The following XYLT1 variants were observed in gnomAD, a reference collection of about 807,000 sequenced individuals.
XYLT1 encodes beta-D-xylosyltransferase 1.
A neutral mutation model predicts 91.3 loss-of-function variants in XYLT1; 36 were observed. The ratio of observed to expected loss-of-function variants is 0.39; its 90% CI spans 0.30 to 0.52. The LOEUF (loss-of-function observed/expected upper bound fraction) is 0.52, where lower values mean the gene tolerates loss of function less well. XYLT1 is among the 20% of genes least tolerant of loss of function. XYLT1 has a pLI of 0.68. For missense variants in XYLT1, 1,242 were observed against 1,284.5 expected (o/e 0.97, Z 0.51); for synonymous variants, 588 against 532.0 (o/e 1.11, Z -1.45).
chr16:17,425,231 A>G (rs1314999437), intron 1 of XYLT1, among the ~76,000 whole-genome samples: 1 of 152,046 alleles, frequency 6.6e-6, no homozygotes, highest in Non-Finnish European at 1.5e-5. Context: ...AATTCCCCCA[A>G]CTTCCTTCCG....
intron 2 of XYLT1, among the ~76,000 whole-genome samples, chr16:17,270,781 C>T (rs1390731603): frequency 6.6e-6 from 1 of 152,216 alleles, no homozygotes; most frequent in Non-Finnish European, 1.5e-5. Flanking sequence ...AGGACACAGC[C>T]ATGCCCATTC....
chr16:17,429,001 C>T (rs534546128), intron 1 of XYLT1, among the ~76,000 whole-genome samples: 2 of 152,272 alleles, frequency 1.3e-5, no homozygotes, highest in South Asian at 4.1e-4. Flanking sequence ...CCTAAAAACC[C>T]CAACTGCTCA....
intron 5 of XYLT1, among the ~76,000 whole-genome samples, chr16:17,179,075 A>AC (rs956547041): frequency 1.6e-4 from 25 of 152,264 alleles, no homozygotes; most frequent in Admixed American, 1.2e-3. Flanking sequence ...TCTCAAAAAA[A>AC]AAAAAAAAGT....
intron 2 of XYLT1, among the ~76,000 whole-genome samples, chr16:17,285,950 G>A (rs2034134074): frequency 6.6e-6 from 1 of 151,752 alleles, no homozygotes; most frequent in African/African-American, 2.4e-5. Context: ...GAGAGAGAGA[G>A]AGAAAGAGAG....
chr16:17,340,379 T>C (rs1596491070), intron 2 of XYLT1, among the ~76,000 whole-genome samples: 1 of 152,256 alleles, frequency 6.6e-6, no homozygotes, highest in African/African-American at 2.4e-5. Flanking sequence ...CACAGAGCTC[T>C]GTCTCCAGCT....
At chr16:17,309,784 G>C (rs2034517189) in intron 2 of XYLT1, among the ~76,000 whole-genome samples, 1 of 152,236 alleles carries the variant, frequency 6.6e-6, no homozygotes, top group Admixed American at 6.5e-5. Context: ...TTGCAGTCAA[G>C]AAGATTAACA....
chr16:17,261,241 CAAAAAA>C (rs10573500), intron 2 of XYLT1, among the ~76,000 whole-genome samples: 1 of 96,420 alleles, frequency 1.0e-5, no homozygotes, highest in African/African-American at 3.7e-5. Context: ...AACTGGCTCT[CAAAAAA>C]AAAAAAAAAA....
intron 1 of XYLT1, among the ~76,000 whole-genome samples, chr16:17,429,650 A>C (rs139016953): frequency 4.3e-4 from 65 of 152,322 alleles, no homozygotes; most frequent in African/African-American, 1.5e-3. Context: ...AACTCAGTAA[A>C]GTACATGGCC....
intron 6 of XYLT1, among the ~76,000 whole-genome samples, chr16:17,147,785 A>C (rs1205138931): frequency 6.6e-6 from 1 of 152,192 alleles, no homozygotes; most frequent in African/African-American, 2.4e-5. Flanking sequence ...TTTCTTTACC[A>C]TAACTTGAAA....
At chr16:17,132,740 T>C (rs1424633471) in intron 9 of XYLT1, among the ~76,000 whole-genome samples, 1 of 152,092 alleles carries the variant, frequency 6.6e-6, no homozygotes, top group Non-Finnish European at 1.5e-5. Context: ...CTGTCTCTAC[T>C]AAAAATACAA....
intron 2 of XYLT1, among the ~76,000 whole-genome samples, chr16:17,313,090 T>C (rs1409334580): frequency 6.6e-6 from 1 of 152,148 alleles, no homozygotes; most frequent in Non-Finnish European, 1.5e-5. Flanking sequence ...AGCTCAAAGG[T>C]GTGCCTGTCT....
At chr16:17,333,674 G>T (rs2034936878) in intron 2 of XYLT1, among the ~76,000 whole-genome samples, 1 of 147,592 alleles carries the variant, frequency 6.8e-6, no homozygotes, top group South Asian at 2.1e-4. Flanking sequence ...TGCAACCTCT[G>T]CCTCCCGAGT....
chr16:17,183,948 T>TC (rs1161983494), intron 5 of XYLT1, among the ~76,000 whole-genome samples: 6 of 152,092 alleles, frequency 3.9e-5, no homozygotes, highest in Non-Finnish European at 5.9e-5. Context: ...GAAACGCTCC[T>TC]CCCTTATCCC....
chr16:17,415,863 T>A (rs978566227), intron 1 of XYLT1, among the ~76,000 whole-genome samples: 10 of 152,198 alleles, frequency 6.6e-5, no homozygotes, highest in Non-Finnish European at 1.2e-4. Context: ...AATCATGGAA[T>A]CAAATGGATC....
intron 2 of XYLT1, among the ~76,000 whole-genome samples, chr16:17,353,810 G>A (rs969337244): frequency 6.6e-6 from 1 of 152,186 alleles, no homozygotes; most frequent in South Asian, 2.1e-4. Context: ...ACTAGTCAAG[G>A]CAACTTTATT....
rs2036970026 is a variant in XYLT1 at position 17,470,414 on chromosome 16, G to C, written c.363+20C>G. On this transcript the variant is annotated intron_variant, in intron 1 of 11. Coordinates refer to ENST00000261381, the MANE Select transcript of XYLT1 (RefSeq NM_022166.4). ...TCCTCCCTCCCTCGCCGCGGGGCGC[G>C]AGCCGAAAGGGCATCTTACCAGAGC... 13 of 1,227,134 alleles carry C rather than the reference G, an allele frequency of 1.1e-5. No individual in the cohort carries two copies. Among genetic ancestry groups the C allele is most frequent in the Non-Finnish European group, 1.3e-5 (13 of 984,416 alleles). The allele number at this position is 1,227,134 out of a possible 1,614,324, so 76.0% of individuals were successfully genotyped here.
chr16:17,299,184 G>C (rs2034358091), intron 2 of XYLT1, among the ~76,000 whole-genome samples: 1 of 152,120 alleles, frequency 6.6e-6, no homozygotes, highest in Admixed American at 6.5e-5. Flanking sequence ...CCATTTCTGG[G>C]CACCTACTGC....
chr16:17,327,313 G>C (rs1445973415), intron 2 of XYLT1, among the ~76,000 whole-genome samples: 1 of 151,590 alleles, frequency 6.6e-6, no homozygotes, highest in Non-Finnish European at 1.5e-5. Flanking sequence ...GCCATACTCG[G>C]GTTGAATGAT....
intron 5 of XYLT1, among the ~76,000 whole-genome samples, chr16:17,165,728 A>G (rs980287921): frequency 6.6e-6 from 1 of 152,210 alleles, no homozygotes; most frequent in African/African-American, 2.4e-5. Flanking sequence ...GGCATAGCCA[A>G]TGCCCTAGTG....
Sources: allele counts gnomAD v4.1 joint callset (sites outside exome capture counted in the v4.1 genomes callset), GRCh38; gene constraint gnomAD v4.1.1; transcripts MANE v1.5; gene names NCBI Gene and HGNC (gene_info 2026-07-23, HGNC 2026-07-21).